Variants in SCN11A observed in about 807,000 individuals in gnomAD.
The protein encoded by SCN11A is sodium voltage-gated channel alpha subunit 11.
A neutral mutation model predicts 162.2 loss-of-function variants in SCN11A; 122 were observed. The observed-to-expected ratio is 0.75, with a 90% CI of 0.65 to 0.87. SCN11A has a LOEUF of 0.87. Among genes scored for constraint, SCN11A ranks in the 40% least tolerant of loss-of-function variants. SCN11A has a pLI of 0.00. For synonymous variants in SCN11A, 758 were observed against 751.5 expected (o/e 1.01, Z -0.14); for missense variants, 2,015 against 2,181.6 (o/e 0.92, Z 1.52).
intron 24 of SCN11A, 29 bp downstream of exon 24, chr3:38,872,164 A>ACTT: frequency 7.9e-7 from 1 of 1,271,948 alleles, no homozygotes; most frequent in African/African-American, 1.5e-5. Flanking sequence ...TGTTAACTGA[A>ACTT]CTTCTACCCA....
chr3:38,877,013 CATATGGTGTATAT>C (rs2065218856), intron 23 of SCN11A, among the ~76,000 whole-genome samples: 1 of 145,254 alleles, frequency 6.9e-6, no homozygotes, highest in Non-Finnish European at 1.5e-5. Context: ...GAGAAAGAGA[CATATGGTGTATAT>C]ATATGGTATA....
At chr3:39,023,953 A>ACTTTCAGTC (rs1325922117) in intron 2 of SCN11A, among the ~76,000 whole-genome samples, 1 of 152,032 alleles carries the variant, frequency 6.6e-6, no homozygotes, top group East Asian at 1.9e-4. Flanking sequence ...AAGATCCCCA[A>ACTTTCAGTC]CTTTCAGTCC....
chr3:38,846,756 T>A lies in SCN11A; in HGVS notation c.5314A>T (p.Thr1772Ser). ...CTAGACAAGTCTCCATTGCAAAGAGTCTGGAGTGGTGAATGAGGCCCGTTT... is the reference window on the plus strand; with the variant it reads ...CTAGACAAGTCTCCATTGCAAAGAGACTGGAGTGGTGAATGAGGCCCGTTT... The part of the protein sequence containing the change: ...LENGPHSPLQ[T>S]LCNGDLSSFG... The change falls in exon 30 of 30, where the codon ACT becomes TCT. Residue 1772 changes from threonine (T) to serine (S), a missense_variant. By Grantham distance (58) the Thr-to-Ser change is moderately conservative (BLOSUM62 1). Transcript: ENST00000302328. The A allele has an allele frequency of 6.2e-7, 1 of 1,613,700 alleles. No homozygotes were observed. Among genetic ancestry groups the A allele is most frequent in the Non-Finnish European group, 8.5e-7 (1 of 1,179,922 alleles).
intron 16 of SCN11A, 87 bp from the exon 17 acceptor site, chr3:38,900,160 T>C (rs933919534): frequency 9.9e-7 from 1 of 1,014,636 alleles, no homozygotes; most frequent in African/African-American, 1.6e-5. Flanking sequence ...GAGGTTACAA[T>C]GAAATGAAAA....
chr3:38,958,536 C>T (rs1475258680), intron 3 of SCN11A, among the ~76,000 whole-genome samples: 2 of 152,160 alleles, frequency 1.3e-5, no homozygotes, highest in Admixed American at 6.5e-5. Context: ...CCTGCTGGGG[C>T]CCTGGCTGAT....
chr3:38,967,864 A>G (rs1273859202), intron 2 of SCN11A, among the ~76,000 whole-genome samples: 5 of 152,256 alleles, frequency 3.3e-5, no homozygotes, highest in Admixed American at 3.3e-4. Flanking sequence ...CTCCTGCAAC[A>G]GTGAAAATTG....
At chr3:38,878,513 A>G (rs1195694643) in intron 23 of SCN11A, among the ~76,000 whole-genome samples, 1 of 152,092 alleles carries the variant, frequency 6.6e-6, no homozygotes, top group Non-Finnish European at 1.5e-5. Flanking sequence ...TCATCTGTTC[A>G]CACAGTTTTT....
chr3:38,885,511 C>A, intron 20 of SCN11A, 109 bp from the exon 21 acceptor site: 1 of 667,800 alleles, frequency 1.5e-6, no homozygotes. Context: ...ATGAACTAGG[C>A]AAAGGTTTCT....
intron 28 of SCN11A, 40 bp downstream of exon 28, chr3:38,863,155 C>A: frequency 8.5e-7 from 1 of 1,170,370 alleles, no homozygotes; most frequent in East Asian, 2.3e-5. Flanking sequence ...CACAGTAACT[C>A]AACTGTTCTA....
At chr3:39,000,381 C>T (rs747318966) in intron 2 of SCN11A, among the ~76,000 whole-genome samples, 10 of 152,160 alleles carry the variant, frequency 6.6e-5, no homozygotes, top group South Asian at 2.1e-4. Flanking sequence ...TGGAATAAGG[C>T]TTGTTCTTTC....
intron 2 of SCN11A, among the ~76,000 whole-genome samples, chr3:39,005,677 A>ATT (rs11400441): frequency 2.0e-5 from 3 of 152,044 alleles, no homozygotes; most frequent in Admixed American, 6.5e-5. Flanking sequence ...AACTATCCAT[A>ATT]TTTTTTTATT....
intron 7 of SCN11A, among the ~76,000 whole-genome samples, chr3:38,933,743 T>C (rs2066282033): frequency 6.6e-6 from 1 of 152,124 alleles, no homozygotes; most frequent in Non-Finnish European, 1.5e-5. Context: ...CAAATCTACG[T>C]CTGATTGGTG....
At chr3:38,941,396 A>G (rs2066440854) in intron 7 of SCN11A, among the ~76,000 whole-genome samples, 1 of 152,218 alleles carries the variant, frequency 6.6e-6, no homozygotes, top group African/African-American at 2.4e-5. Context: ...ACCACAAGAT[A>G]TATTAAAGGA....
At chr3:38,892,079 C>A (rs1168780761) in intron 19 of SCN11A, among the ~76,000 whole-genome samples, 7 of 152,152 alleles carry the variant, frequency 4.6e-5, no homozygotes, top group Non-Finnish European at 1.0e-4. Flanking sequence ...ATAAAATTAA[C>A]ACTGACCTTG....
At chr3:39,048,472 G>T (rs1428170358) in intron 1 of SCN11A, among the ~76,000 whole-genome samples, 1 of 152,116 alleles carries the variant, frequency 6.6e-6, no homozygotes, top group Non-Finnish European at 1.5e-5. Flanking sequence ...GGATGACTAT[G>T]ATTAACAATA....
intron 14 of SCN11A, among the ~76,000 whole-genome samples, chr3:38,907,225 G>T (rs1204356951): frequency 1.3e-5 from 2 of 151,282 alleles, no homozygotes; most frequent in African/African-American, 4.9e-5. Flanking sequence ...CAGCAAGTAG[G>T]AAATTAGAGG....
At position 38,967,691 on chromosome 3, in the gene SCN11A, G is replaced by A. The variant is rs116087965; in HGVS notation, c.-279-7268C>T. Among the ~76,000 whole-genome samples the A allele has an allele frequency of 2.8e-3, 434 of 152,310 alleles. 3 individuals are homozygous for A. The highest frequency in any genetic ancestry group is 9.6e-3 in the African/African-American group (400 of 41,562). ...CACAGCTTTAGCTGGAATCAGAGGT[G>A]GGCTGCTGGAATGTGGCAGGGAATA... On this transcript the variant is annotated intron_variant, in intron 2 of 29. Transcript: ENST00000302328.
At chr3:38,931,604 G>A (rs1293805317) in intron 7 of SCN11A, among the ~76,000 whole-genome samples, 1 of 152,202 alleles carries the variant, frequency 6.6e-6, no homozygotes, top group African/African-American at 2.4e-5. Flanking sequence ...ATTCCAGGAG[G>A]AAAGCCTCCC....
chr3:39,019,473 C>T (rs1420828737), intron 2 of SCN11A, among the ~76,000 whole-genome samples: 1 of 152,192 alleles, frequency 6.6e-6, no homozygotes, highest in Admixed American at 6.5e-5. Flanking sequence ...ACGTGGCCGG[C>T]CTCACATCAA....
Sources: gnomAD v4.1 joint callset for allele counts (sites outside exome capture counted in the v4.1 genomes callset) on GRCh38, gnomAD v4.1.1 for gene constraint, MANE v1.5 for transcripts, NCBI Gene and HGNC (gene_info 2026-07-23, HGNC 2026-07-21) for gene names.